LSAMP: variants seen among roughly 807,000 people sequenced by gnomAD.
LSAMP encodes the protein limbic system-associated membrane protein.
In LSAMP, 7 loss-of-function variants were observed where a neutral mutation model predicts 38.6. That is an observed-to-expected ratio of 0.18 (90% confidence interval 0.10 to 0.34). The LOEUF (loss-of-function observed/expected upper bound fraction) is 0.34. Among genes scored for constraint, LSAMP ranks in the 10% least tolerant of loss-of-function variants. The pLI is 1.00. For missense variants in LSAMP, 313 were observed against 420.0 expected (o/e 0.75, Z 2.23); for synonymous variants, 154 against 166.8 (o/e 0.92, Z 0.59).
chr3:116,301,792 G>GT (rs1370054227), intron 1 of LSAMP, among the ~76,000 whole-genome samples: 1 of 152,110 alleles, frequency 6.6e-6, no homozygotes, highest in African/African-American at 2.4e-5. Context: ...AAAGATAATA[G>GT]TTTTTTTCTA....
At chr3:115,861,050 C>G (rs112221100) in intron 3 of LSAMP, among the ~76,000 whole-genome samples, 7 of 136,658 alleles carry the variant, frequency 5.1e-5, no homozygotes, top group Non-Finnish European at 9.4e-5. Flanking sequence ...TCCTCCCCTC[C>G]TCCCCTCCCT....
intron 3 of LSAMP, among the ~76,000 whole-genome samples, chr3:116,015,871 T>C (rs1040706609): frequency 2.0e-5 from 3 of 152,118 alleles, no homozygotes; most frequent in Admixed American, 2.0e-4. Flanking sequence ...GATAATCAGG[T>C]ATTGTGAACC....
At chr3:116,105,845 G>C (rs925696708) in intron 1 of LSAMP, among the ~76,000 whole-genome samples, 2 of 152,120 alleles carry the variant, frequency 1.3e-5, no homozygotes, top group Non-Finnish European at 2.9e-5. Context: ...TTGAAGTGTT[G>C]GGGCGGCAAA....
rs142056177 is a variant in LSAMP at position 116,169,323 on chromosome 3, G to T, written c.156-82767C>A. 3.7e-3 allele frequency among the ~76,000 whole-genome samples: 563 copies of T among 152,314 alleles called. 6 individuals carry two copies. The highest frequency in any genetic ancestry group is 0.012 in the African/African-American group (506 of 41,576). On this transcript the variant is annotated intron_variant, in intron 1 of 6. Coordinates refer to ENST00000490035, the MANE Select transcript of LSAMP (RefSeq NM_002338.5). Reference sequence around the variant, plus strand: ...AAATTGCTTTTCTCCCAAAATGGCTGTAGTGAATCTAGAAGTGGAACAGTT... The same window carrying T: ...AAATTGCTTTTCTCCCAAAATGGCTTTAGTGAATCTAGAAGTGGAACAGTT...
intron 1 of LSAMP, among the ~76,000 whole-genome samples, chr3:116,237,210 G>A (rs939008466): frequency 6.6e-6 from 1 of 152,084 alleles, no homozygotes; most frequent in East Asian, 1.9e-4. Flanking sequence ...ACAAAACGAC[G>A]AATGCCATTC....
chr3:116,138,738 GTTTAA>G (rs554533921), intron 1 of LSAMP, among the ~76,000 whole-genome samples: 8 of 151,588 alleles, frequency 5.3e-5, no homozygotes, highest in African/African-American at 9.7e-5. Flanking sequence ...CTTATTTTCT[GTTTAA>G]TTTAATTTCA....
chr3:115,930,756 TGAGAG>T (rs147245161), intron 3 of LSAMP, among the ~76,000 whole-genome samples: 2,580 of 152,232 alleles, frequency 0.017, 69 homozygotes, highest in African/African-American at 0.058. Flanking sequence ...CTTTGGGAGA[TGAGAG>T]GAGATTAACA....
intron 1 of LSAMP, among the ~76,000 whole-genome samples, chr3:116,215,054 G>A (rs560936153): frequency 6.6e-6 from 1 of 152,154 alleles, no homozygotes. Flanking sequence ...TAAGAACTCA[G>A]TATGTACATA....
intron 2 of LSAMP, among the ~76,000 whole-genome samples, chr3:116,068,858 T>C (rs1410177786): frequency 1.3e-5 from 2 of 152,180 alleles, no homozygotes; most frequent in African/African-American, 4.8e-5. Flanking sequence ...CTTGCACTAG[T>C]AGAGGAAATA....
At chr3:116,037,578 AC>A (rs1941074355) in intron 2 of LSAMP, among the ~76,000 whole-genome samples, 1 of 152,140 alleles carries the variant, frequency 6.6e-6, no homozygotes, top group Admixed American at 6.6e-5. Context: ...ACAAGGATTA[AC>A]TAAATCATTT....
At chr3:116,256,430 T>C (rs889173266) in intron 1 of LSAMP, among the ~76,000 whole-genome samples, 5 of 152,202 alleles carry the variant, frequency 3.3e-5, no homozygotes, top group African/African-American at 9.7e-5. Context: ...GGACAAGCCG[T>C]GACCTTGCAA....
chr3:116,269,456 C>T (rs1354502335), intron 1 of LSAMP, among the ~76,000 whole-genome samples: 1 of 152,078 alleles, frequency 6.6e-6, no homozygotes, highest in Non-Finnish European at 1.5e-5. Context: ...CAGTGCTCAA[C>T]AAATATTTGC....
At chr3:116,030,353 CTAAA>C (rs1940891236) in intron 2 of LSAMP, among the ~76,000 whole-genome samples, 1 of 152,070 alleles carries the variant, frequency 6.6e-6, no homozygotes, top group South Asian at 2.1e-4. Context: ...CATTGCCTTG[CTAAA>C]TAAAAGCAAA....
chr3:115,980,963 T>C (rs968049111), intron 3 of LSAMP, among the ~76,000 whole-genome samples: 1 of 152,174 alleles, frequency 6.6e-6, no homozygotes, highest in Non-Finnish European at 1.5e-5. Context: ...AATTGTCGTT[T>C]CACTGGTGAT....
chr3:115,841,819 G>A, intron 6 of LSAMP, 26 bp downstream of exon 6: 1 of 1,579,668 alleles, frequency 6.3e-7, no homozygotes, highest in Non-Finnish European at 8.6e-7. Context: ...ATTCCATCAA[G>A]TTGGGCCCTG....
chr3:116,333,577 A>G (rs2047881079), intron 1 of LSAMP, among the ~76,000 whole-genome samples: 1 of 151,912 alleles, frequency 6.6e-6, no homozygotes. Flanking sequence ...TCTTTTCTCA[A>G]CGAAATAGAT....
chr3:115,854,994 A>G (rs1298148337), intron 3 of LSAMP, among the ~76,000 whole-genome samples: 1 of 152,198 alleles, frequency 6.6e-6, no homozygotes, highest in Non-Finnish European at 1.5e-5. Context: ...CTCATACTGC[A>G]TATCCCCCAC....
chr3:116,263,919 G>C (rs1262698874), intron 1 of LSAMP, among the ~76,000 whole-genome samples: 1 of 152,130 alleles, frequency 6.6e-6, no homozygotes, highest in Non-Finnish European at 1.5e-5. Flanking sequence ...GAGGAGAAAG[G>C]TACACTCGTA....
chr3:116,252,548 C>CT (rs1235009406), intron 1 of LSAMP, among the ~76,000 whole-genome samples: 1 of 152,156 alleles, frequency 6.6e-6, no homozygotes, highest in Non-Finnish European at 1.5e-5. Flanking sequence ...AGAAGGAACA[C>CT]TATCAGCGTG....
Sources: gnomAD v4.1 joint callset for allele counts (sites outside exome capture counted in the v4.1 genomes callset) on GRCh38, gnomAD v4.1.1 for gene constraint, MANE v1.5 for transcripts, NCBI Gene and HGNC (gene_info 2026-07-23, HGNC 2026-07-21) for gene names.